Variants in LMO1 observed in about 807,000 individuals in gnomAD.
LMO1 encodes the protein rhombotin-1.
LMO1 carries 10 observed loss-of-function variants against 18.0 expected under a neutral mutation model. The observed-to-expected ratio is 0.55, with a 90% CI of 0.34 to 0.94. LMO1 has a LOEUF of 0.94. Ranked by LOEUF, LMO1 falls within the 40% of genes least tolerant of loss-of-function variation. The pLI is 0.02. For synonymous variants in LMO1, 77 were observed against 77.9 expected (o/e 0.99, Z 0.06); for missense variants, 183 against 205.7 (o/e 0.89, Z 0.68).
At chr11:8,247,263 A>T (rs1226486729) in intron 1 of LMO1, among the ~76,000 whole-genome samples, 1 of 152,204 alleles carries the variant, frequency 6.6e-6, no homozygotes, top group Non-Finnish European at 1.5e-5. Flanking sequence ...GCATCATAGT[A>T]AGGACTCCCC....
chr11:8,230,014 C>A (rs1952623521), intron 2 of LMO1, among the ~76,000 whole-genome samples: 1 of 152,250 alleles, frequency 6.6e-6, no homozygotes, highest in African/African-American at 2.4e-5. Flanking sequence ...CGGAGCCAGA[C>A]TGGGGCCCTC....
chr11:8,252,404 C>T (rs1453134900), intron 1 of LMO1, among the ~76,000 whole-genome samples: 1 of 152,224 alleles, frequency 6.6e-6, no homozygotes, highest in Non-Finnish European at 1.5e-5. Flanking sequence ...AGGCTGGCCT[C>T]TCATGGCAGG....
In LMO1 at chr11:8,259,180, C is replaced by T. The variant is rs77005481; in HGVS notation, c.25+4158G>A. On this transcript the variant is annotated intron_variant, in intron 1 of 3. Coordinates refer to ENST00000335790, the MANE Select transcript of LMO1 (RefSeq NM_002315.3). Reference sequence around the variant, plus strand: ...AGTTGAGTTAATCTGGGTACATTAGCGAGACATGGATTCCGGACGACAGAC... The same window carrying T: ...AGTTGAGTTAATCTGGGTACATTAGTGAGACATGGATTCCGGACGACAGAC... Among the ~76,000 whole-genome samples the T allele has an allele frequency of 2.7e-3, 406 of 152,324 alleles. 4 individuals carry two copies. Among genetic ancestry groups the T allele is most frequent in the African/African-American group, 9.3e-3 (385 of 41,562 alleles).
chr11:8,252,133 G>A (rs1468010452), intron 1 of LMO1, among the ~76,000 whole-genome samples: 4 of 152,188 alleles, frequency 2.6e-5, no homozygotes, highest in African/African-American at 9.7e-5. Context: ...CTCATGGCAG[G>A]CGGGGCCTGT....
chr11:8,233,108 C>T (rs1169334859), intron 1 of LMO1, among the ~76,000 whole-genome samples: 1 of 152,198 alleles, frequency 6.6e-6, no homozygotes, highest in Admixed American at 6.5e-5. Context: ...ACCTGGACAC[C>T]CCTCCCTCTT....
At chr11:8,256,532 C>G (rs574936559) in intron 1 of LMO1, among the ~76,000 whole-genome samples, 1 of 152,348 alleles carries the variant, frequency 6.6e-6, no homozygotes, top group Non-Finnish European at 1.5e-5. Context: ...CCTCTGCGAC[C>G]TGGACCAATC....
intron 1 of LMO1, among the ~76,000 whole-genome samples, chr11:8,232,658 C>T (rs1952688004): frequency 6.6e-6 from 1 of 152,184 alleles, no homozygotes; most frequent in Non-Finnish European, 1.5e-5. Context: ...GTTCCTTTTG[C>T]TCAGCCAGGC....
chr11:8,247,067 A>T (rs940035312), intron 1 of LMO1, among the ~76,000 whole-genome samples: 1 of 152,124 alleles, frequency 6.6e-6, no homozygotes, highest in Non-Finnish European at 1.5e-5. Flanking sequence ...CCACAACTGC[A>T]TTCTCATTTT....
At chr11:8,262,503 G>A (rs1847202750) in intron 1 of LMO1, among the ~76,000 whole-genome samples, 1 of 152,172 alleles carries the variant, frequency 6.6e-6, no homozygotes, top group Non-Finnish European at 1.5e-5. Flanking sequence ...AAGGCTTTGG[G>A]GTCTATGGGA....
At chr11:8,250,247 G>T (rs1444596897) in intron 1 of LMO1, among the ~76,000 whole-genome samples, 1 of 152,108 alleles carries the variant, frequency 6.6e-6, no homozygotes, top group Non-Finnish European at 1.5e-5. Flanking sequence ...TCTAAACTTT[G>T]TCAGGAAGAT....
At position 8,259,803 on chromosome 11, in the gene LMO1, C is replaced by T. The variant is rs1026129294; in HGVS notation, c.25+3535G>A. On this transcript the variant is annotated intron_variant, in intron 1 of 3. Transcript: ENST00000335790. ...ACCCAAGCATAGCCATGCGCCGGCT[C>T]TGGTGGATTAACTGAGTCGGCTGTG... is the stretch of plus-strand genomic sequence containing the variant. Among the ~76,000 whole-genome samples the T allele has an allele frequency of 5.3e-5, 8 of 152,336 alleles. No individual in the cohort carries two copies. The South Asian group carries it at 1.7e-3, about 32-fold the overall frequency.
At chr11:8,262,886 C>G (rs956193621) in intron 1 of LMO1, among the ~76,000 whole-genome samples, 1 of 151,714 alleles carries the variant, frequency 6.6e-6, no homozygotes, top group African/African-American at 2.4e-5. Context: ...CGATTCTCCC[C>G]GAAGCCGCTG....
At chr11:8,266,184 G>T (rs907686934), upstream of LMO1, among the ~76,000 whole-genome samples, 7 of 152,206 alleles carry the variant, frequency 4.6e-5, no homozygotes, top group Admixed American at 3.3e-4. Flanking sequence ...TGAGCATGGT[G>T]CTCCCAAACT....
At chr11:8,255,353 G>A (rs1272291442) in intron 1 of LMO1, among the ~76,000 whole-genome samples, 2 of 152,094 alleles carry the variant, frequency 1.3e-5, no homozygotes, top group African/African-American at 2.4e-5. Flanking sequence ...CAAAAAATAC[G>A]AAAATTAGCT....
chr11:8,260,721 C>T (rs1354372039), intron 1 of LMO1, among the ~76,000 whole-genome samples: 5 of 152,256 alleles, frequency 3.3e-5, no homozygotes, highest in African/African-American at 4.8e-5. Context: ...CTTTGGTCCT[C>T]GGCAGCTGGC....
intron 1 of LMO1, among the ~76,000 whole-genome samples, chr11:8,233,966 A>C (rs1952717190): frequency 6.6e-6 from 1 of 152,228 alleles, no homozygotes; most frequent in African/African-American, 2.4e-5. Flanking sequence ...CCCAGTAATT[A>C]CTACTCACCC....
chr11:8,250,650 G>T lies in LMO1; in HGVS notation c.25+12688C>A, dbSNP rs540175543. Among the ~76,000 whole-genome samples, 36 of 152,374 alleles carry T rather than the reference G, an allele frequency of 2.4e-4. No individual in the cohort carries two copies. The East Asian group carries it at 3.3e-3, about 14-fold the overall frequency. On this transcript the variant is annotated intron_variant, in intron 1 of 3. Transcript: ENST00000335790. ...ACAGATGGGAAACAGCTTCTGGCTC[G>T]GGGGAGAGCAGCTGCCTGGAAGAGA...
At chr11:8,238,397 C>T (rs373666663) in intron 1 of LMO1, among the ~76,000 whole-genome samples, 16 of 152,270 alleles carry the variant, frequency 1.1e-4, no homozygotes, top group African/African-American at 2.2e-4. Flanking sequence ...GGAGGATGGG[C>T]GCGGTGGCTC....
chr11:8,252,068 C>T (rs1847011373), intron 1 of LMO1, among the ~76,000 whole-genome samples: 1 of 152,050 alleles, frequency 6.6e-6, no homozygotes, highest in Non-Finnish European at 1.5e-5. Flanking sequence ...CACCATCCCT[C>T]CCACAGCTAC....
Sources: gnomAD v4.1 joint callset for allele counts (sites outside exome capture counted in the v4.1 genomes callset) on GRCh38, gnomAD v4.1.1 for gene constraint, MANE v1.5 for transcripts, NCBI Gene and HGNC (gene_info 2026-07-23, HGNC 2026-07-21) for gene names.